The following FAT2 variants were observed in gnomAD, a reference collection of about 807,000 sequenced individuals.
FAT2 encodes the protein protocadherin Fat 2.
A neutral mutation model predicts 295.3 loss-of-function variants in FAT2; 150 were observed. The observed-to-expected ratio is 0.51, with a 90% CI of 0.44 to 0.58. The LOEUF is 0.58. Among genes scored for constraint, FAT2 ranks in the 20% least tolerant of loss-of-function variants. The pLI, the probability that FAT2 is intolerant of heterozygous loss-of-function variation, is 0.00. For synonymous variants in FAT2, 2,026 were observed against 2,150.3 expected (o/e 0.94, Z 1.60); for missense variants, 4,868 against 5,442.7 (o/e 0.89, Z 3.32).
chr5:151,542,145 A>G (rs974657453), intron 10 of FAT2, 140 bp downstream of exon 10: 13 of 689,866 alleles, frequency 1.9e-5, no homozygotes, highest in Non-Finnish European at 3.1e-5. Context: ...GGAGAAACTG[A>G]GGTCCTAGGG....
Position 151,512,690 on chromosome 5 carries a change from G to GT in FAT2, c.11464-85dup. 7.7e-7 allele frequency: 1 copy of GT among 1,301,746 alleles called. No individual in the cohort carries two copies. The highest frequency in any genetic ancestry group is 1.5e-5 in the South Asian group (1 of 67,980). The allele number at this position is 1,301,746 out of a possible 1,614,324, so 80.6% of individuals were successfully genotyped here. Reference sequence around the variant, plus strand: ...AGAGGCTGCCAGTTCAAAGAATGTTGTTTGTATTTTTATGGGTAGGAGGGG... The same window carrying GT: ...AGAGGCTGCCAGTTCAAAGAATGTTGTTTTGTATTTTTATGGGTAGGAGGGG... On this transcript the variant is annotated intron_variant, in intron 20 of 23. Transcript: ENST00000261800. This position sits in a 1 kb window ranked among gnomAD's most constrained non-coding sequence, Gnocchi z 4.1.
rs2127602355 is a variant in FAT2, at chr5:151,540,609, G to T, written c.8997C>A (p.Ile2999=). 1 of 1,614,092 alleles carries T rather than the reference G, an allele frequency of 6.2e-7. No individual in the cohort carries two copies. Among genetic ancestry groups the T allele is most frequent in the Non-Finnish European group, 8.5e-7 (1 of 1,180,006 alleles). ...GKFQASVTVE[I]FVLDVNDNSP... ...TGTTATCATTGACGTCCAGGACAAA[G>T]ATCTCCACAGTGACCGAAGCCTGGA... The change falls in exon 11 of 24, where the codon ATC becomes ATA. Residue 2999 remains isoleucine (I), a synonymous_variant. Transcript: ENST00000261800.
upstream of FAT2, among the ~76,000 whole-genome samples, chr5:151,594,235 A>G (rs1487227575): frequency 1.3e-5 from 2 of 152,186 alleles, no homozygotes; most frequent in African/African-American, 2.4e-5. Flanking sequence ...CATTTTGTGC[A>G]CTGCCTGGGT....
chr5:151,593,044 T>C (rs908346168), upstream of FAT2, among the ~76,000 whole-genome samples: 19 of 152,266 alleles, frequency 1.2e-4, no homozygotes, highest in African/African-American at 4.3e-4. Context: ...TCCCCACCAG[T>C]AGGATTCTCT....
At chr5:151,575,584 T>C (rs140281857) in intron 1 of FAT2, among the ~76,000 whole-genome samples, 43 of 152,348 alleles carry the variant, frequency 2.8e-4, no homozygotes, top group Non-Finnish European at 5.9e-4. Context: ...CAGTTAGTGA[T>C]GTACCATCAT....
chr5:151,581,014 C>G (rs997630584), intron 1 of FAT2, among the ~76,000 whole-genome samples: 85 of 152,256 alleles, frequency 5.6e-4, no homozygotes, highest in African/African-American at 2.0e-3. Context: ...ATCAGTCTCA[C>G]GTGGCCACTC....
upstream of FAT2, among the ~76,000 whole-genome samples, chr5:151,593,831 G>A (rs1177390042): frequency 1.3e-5 from 2 of 152,066 alleles, no homozygotes; most frequent in African/African-American, 4.8e-5. Context: ...GTGAAATCCT[G>A]TCTCTACTAA....
intron 5 of FAT2, 31 bp downstream of exon 5, chr5:151,554,331 C>G (rs1267860619): frequency 2.5e-6 from 4 of 1,587,850 alleles, no homozygotes; most frequent in Admixed American, 3.4e-5. Flanking sequence ...CATGCCACTC[C>G]TCCCTCCGTG....
chr5:151,589,127 T>C (rs111963223), intron 1 of FAT2, among the ~76,000 whole-genome samples: 1 of 152,276 alleles, frequency 6.6e-6, no homozygotes, highest in African/African-American at 2.4e-5. Flanking sequence ...TCAGGGATCA[T>C]AGGAGGCTTT....
intron 6 of FAT2, 34 bp downstream of exon 6, chr5:151,553,143 G>T: frequency 2.5e-6 from 4 of 1,595,918 alleles, no homozygotes; most frequent in Non-Finnish European, 3.4e-6. Context: ...GATGGGAGGG[G>T]TTGGCCCTTG....
intron 17 of FAT2, among the ~76,000 whole-genome samples, chr5:151,526,742 A>G (rs995638323): frequency 4.6e-5 from 7 of 152,198 alleles, no homozygotes; most frequent in Non-Finnish European, 7.4e-5. Flanking sequence ...GAACAGCCCT[A>G]GGTAATGCAT....
At chr5:151,523,620 G>C (rs970318949) in intron 18 of FAT2, among the ~76,000 whole-genome samples, 1 of 152,190 alleles carries the variant, frequency 6.6e-6, no homozygotes, top group African/African-American at 2.4e-5. Context: ...CTAAGCTCCT[G>C]TCTAGGCAGG....
Position 151,550,751 on chromosome 5 carries a change from T to C in FAT2, c.4417A>G (p.Ile1473Val), listed in dbSNP as rs1049398793. The C allele has an allele frequency of 2.5e-6, 4 of 1,614,064 alleles. No homozygotes were observed. The African/African-American group carries it at 4.0e-5, about 16-fold the overall frequency. ...AGGCTTTTGCCCTTGTCTTGATCTA[T>C]GGCCTGGACTCGCAGGAGCTCTACC... ...PGVELLRVQAIDQDKGKSLIY... is the reference protein window; with the variant it reads ...PGVELLRVQAVDQDKGKSLIY... The change falls in exon 8 of 24, where the codon ATA (isoleucine) becomes GTA (valine). Residue 1473 changes from isoleucine (I) to valine (V), a missense_variant. Ile to Val is a conservative substitution (Grantham distance 29, BLOSUM62 3). This residue lies in a region of FAT2 where 3,297 missense variants were observed against 3,669.4 expected (regional missense o/e 0.90). Coordinates refer to ENST00000261800, the MANE Select transcript of FAT2 (RefSeq NM_001447.3).
rs2127614911 is a variant in FAT2 at position 151,546,421 on chromosome 5, A to G, written c.4790-84T>C. On this transcript the variant is annotated intron_variant, in intron 9 of 23. Coordinates refer to ENST00000261800, the MANE Select transcript of FAT2 (RefSeq NM_001447.3). ...TTTCTAGATCAGTAAAGGGTCTATCACACAAAACCTGGACAGAGCAAAATC... is the reference window on the plus strand; with the variant it reads ...TTTCTAGATCAGTAAAGGGTCTATCGCACAAAACCTGGACAGAGCAAAATC... The G allele has an allele frequency of 2.9e-6, 3 of 1,048,090 alleles. No individual in the cohort carries two copies. The East Asian group carries it at 7.3e-5, about 26-fold the overall frequency. 64.9% of individuals were successfully genotyped at this position (1,048,090 alleles called of 1,614,324 possible).
intron 1 of FAT2, among the ~76,000 whole-genome samples, chr5:151,572,101 C>T (rs1758556448): frequency 6.6e-6 from 1 of 152,226 alleles, no homozygotes; most frequent in Non-Finnish European, 1.5e-5. Context: ...CAATTCCCCT[C>T]TTTATCACTT....
chr5:151,517,058 A>T (rs1752940832), intron 20 of FAT2, among the ~76,000 whole-genome samples: 1 of 152,018 alleles, frequency 6.6e-6, no homozygotes, highest in East Asian at 1.9e-4. Context: ...CAGTGATCTG[A>T]AATCACACCA....
chr5:151,573,547 G>A (rs370796764), intron 1 of FAT2, among the ~76,000 whole-genome samples: 10 of 152,136 alleles, frequency 6.6e-5, no homozygotes, highest in African/African-American at 1.7e-4. Flanking sequence ...CTAGCTACTC[G>A]GGAGGCTGAG....
chr5:151,533,802 A>G (rs555994205), intron 13 of FAT2, among the ~76,000 whole-genome samples: 68 of 152,190 alleles, frequency 4.5e-4, no homozygotes, highest in African/African-American at 1.4e-3. Flanking sequence ...GTATGTATAC[A>G]TGCAGGTATG....
At chr5:151,527,942 G>A in intron 16 of FAT2, 54 bp downstream of exon 16, 1 of 1,590,174 alleles carries the variant, frequency 6.3e-7, no homozygotes, top group Non-Finnish European at 8.6e-7. Context: ...ACCTGCAGTG[G>A]GACTGTGTCT....
Sources: gnomAD v4.1 joint callset for allele counts (sites outside exome capture counted in the v4.1 genomes callset) on GRCh38, gnomAD v4.1.1 for gene constraint, gnomAD v4.1.1 regional missense constraint, Gnocchi (gnomAD v3.1) non-coding constraint, MANE v1.5 for transcripts, NCBI Gene and HGNC (gene_info 2026-07-23, HGNC 2026-07-21) for gene names.